TJP1: variants seen among roughly 807,000 people sequenced by gnomAD.
TJP1 encodes tight junction protein ZO-1.
In TJP1, 43 loss-of-function variants were observed where a neutral mutation model predicts 194.2. That is an observed-to-expected ratio of 0.22 (90% CI 0.17 to 0.29). The LOEUF (loss-of-function observed/expected upper bound fraction) is 0.29, where lower values mean the gene tolerates loss of function less well. Ranked by LOEUF, TJP1 falls within the 10% of genes least tolerant of loss-of-function variation. The pLI, the probability that TJP1 is intolerant of heterozygous loss-of-function variation, is 1.00. For synonymous variants in TJP1, 801 were observed against 779.0 expected (o/e 1.03, Z -0.47); for missense variants, 1,971 against 2,185.7 (o/e 0.90, Z 1.96).
chr15:29,911,929 T>C (rs2054027468), intron 2 of TJP1, among the ~76,000 whole-genome samples: 1 of 152,208 alleles, frequency 6.6e-6, no homozygotes, highest in Non-Finnish European at 1.5e-5. Flanking sequence ...ATTTGGATTC[T>C]TGGGGAGTTC....
intron 2 of TJP1, among the ~76,000 whole-genome samples, chr15:29,920,457 G>A (rs1388485278): frequency 6.6e-6 from 1 of 152,176 alleles, no homozygotes; most frequent in African/African-American, 2.4e-5. Context: ...TTTGGGAAAA[G>A]AAAAGCAAAC....
At chr15:29,723,088 T>C (rs2043029911) in intron 18 of TJP1, among the ~76,000 whole-genome samples, 1 of 152,178 alleles carries the variant, frequency 6.6e-6, no homozygotes. Flanking sequence ...AGATGAGACT[T>C]TGAACTTCTG....
At chr15:29,896,887 A>C (rs1242132768) in intron 2 of TJP1, among the ~76,000 whole-genome samples, 2 of 152,200 alleles carry the variant, frequency 1.3e-5, no homozygotes, top group Non-Finnish European at 2.9e-5. Flanking sequence ...GCATTCAAGA[A>C]GTGACTTGGG....
intron 2 of TJP1, among the ~76,000 whole-genome samples, chr15:29,836,439 A>T (rs2051033498): frequency 2.6e-5 from 4 of 151,546 alleles, no homozygotes. Context: ...CGCCTGGCTA[A>T]TTTTTTGTAT....
At chr15:29,882,992 A>C (rs2052991766) in intron 2 of TJP1, among the ~76,000 whole-genome samples, 2 of 152,148 alleles carry the variant, frequency 1.3e-5, no homozygotes, top group South Asian at 4.1e-4. Context: ...ACAATACTTA[A>C]ATTCTTTTAA....
At chr15:29,962,453 C>T (rs867637676) in intron 1 of TJP1, among the ~76,000 whole-genome samples, 1 of 152,236 alleles carries the variant, frequency 6.6e-6, no homozygotes, top group African/African-American at 2.4e-5. Flanking sequence ...AAAGCAGTCA[C>T]ACAAGGACAA....
At chr15:29,958,374 G>C (rs1399974990) in intron 1 of TJP1, among the ~76,000 whole-genome samples, 1 of 150,110 alleles carries the variant, frequency 6.7e-6, no homozygotes, top group Non-Finnish European at 1.5e-5. Context: ...CCAATCTGAG[G>C]GTTAATGTCT....
intron 2 of TJP1, among the ~76,000 whole-genome samples, chr15:29,947,886 A>T (rs560492642): frequency 6.6e-6 from 1 of 152,194 alleles, no homozygotes; most frequent in East Asian, 1.9e-4. Flanking sequence ...CTCTGGGAAC[A>T]TCACAGCACA....
chr15:29,870,784 A>G (rs1311074441), intron 2 of TJP1, among the ~76,000 whole-genome samples: 1 of 152,234 alleles, frequency 6.6e-6, no homozygotes, highest in Non-Finnish European at 1.5e-5. Flanking sequence ...GCCTGCTGCG[A>G]AACAGCAGCT....
At chr15:29,821,099 T>C (rs1378786494) in intron 1 of TJP1, among the ~76,000 whole-genome samples, 5 of 152,236 alleles carry the variant, frequency 3.3e-5, no homozygotes, top group Non-Finnish European at 7.3e-5. Context: ...TTCCTTTGTT[T>C]GAAATAACAA....
In TJP1 at chr15:29,899,611, C is replaced by T. The variant is rs534964457; in HGVS notation, c.306+56621G>A. 4.6e-5 allele frequency among the ~76,000 whole-genome samples: 7 copies of T among 152,338 alleles called. No homozygotes were observed. In the South Asian group the frequency reaches 1.0e-3, roughly 23 times the overall value. On this transcript the variant is annotated intron_variant, in intron 2 of 28. Coordinates refer to the TJP1 transcript ENST00000356107. ...TGTGGAGCCCTCTGAACCCCAACCT[C>T]ATCTTCAGTAAAATGGAACAGCCAC... is the stretch of plus-strand genomic sequence containing the variant.
intron 2 of TJP1, among the ~76,000 whole-genome samples, chr15:29,934,213 T>C (rs1227386378): frequency 6.6e-6 from 1 of 152,220 alleles, no homozygotes; most frequent in Non-Finnish European, 1.5e-5. Context: ...TTTGTTTTGA[T>C]ATTATTTTTT....
At chr15:29,934,640 T>C (rs2054826098) in intron 2 of TJP1, among the ~76,000 whole-genome samples, 1 of 152,204 alleles carries the variant, frequency 6.6e-6, no homozygotes, top group Admixed American at 6.5e-5. Flanking sequence ...CCTCCTTCCT[T>C]AACTACTTCT....
intron 1 of TJP1, among the ~76,000 whole-genome samples, chr15:29,967,805 T>C (rs1210224136): frequency 6.6e-6 from 1 of 152,216 alleles, no homozygotes; most frequent in Non-Finnish European, 1.5e-5. Context: ...TGTGCTCAAT[T>C]GAATTGAATA....
chr15:29,768,606 C>T (rs1457548210), intron 4 of TJP1, among the ~76,000 whole-genome samples: 2 of 152,092 alleles, frequency 1.3e-5, no homozygotes, highest in South Asian at 2.1e-4. Flanking sequence ...GTATGTATAC[C>T]TATCCAGCCC....
In TJP1 at chr15:29,704,530, C is replaced by T. The variant is rs1042694472; in HGVS notation, c.5069-225G>A. 6.6e-5 allele frequency among the ~76,000 whole-genome samples: 10 copies of T among 152,284 alleles called. No individual in the cohort carries two copies. In the East Asian group the frequency reaches 1.7e-3, roughly 26 times the overall value. ...AAGAAACAAGTGATATCAAATCTTACAATATTTTAATATTTTAACTCAATA... is the reference window on the plus strand; with the variant it reads ...AAGAAACAAGTGATATCAAATCTTATAATATTTTAATATTTTAACTCAATA... On this transcript the variant is annotated intron_variant, in intron 26 of 27. Transcript: ENST00000614355.
At position 29,766,344 on chromosome 15, in the gene TJP1, A is replaced by G; in HGVS notation, c.511T>C (p.Ser171Pro). 6.2e-7 allele frequency: 1 copy of G among 1,614,220 alleles called. No homozygotes were observed. Among genetic ancestry groups the G allele is most frequent in the Non-Finnish European group, 8.5e-7 (1 of 1,180,044 alleles). Residue 171 changes from serine (S) to proline (P), a missense_variant, in exon 5 of 28, where the codon TCA becomes CCA. This residue lies in a region of TJP1 where 245 missense variants were observed against 336.6 expected (regional missense o/e 0.73). Transcript: ENST00000614355. Reference protein sequence around the residue: ...ASRERSLSPRSDRRSVASSQP... With the variant: ...ASRERSLSPRPDRRSVASSQP... ...CTGGAAGCCACTGACCGCCTGTCTG[A>G]CCGCGGGGACAAGCTCCTCTCTCTA...
In TJP1 at chr15:29,870,322, G is replaced by A. The variant is rs1484546891; in HGVS notation, c.307-69620C>T. On this transcript the variant is annotated intron_variant, in intron 2 of 28. Transcript: ENST00000356107. ...AATGGTTAAGAAAAAAAAGAGAAAG[G>A]GATCCAAGAGTTTAGAATAGTTTTC... Among the ~76,000 whole-genome samples, 4 of 152,152 alleles carry A rather than the reference G, an allele frequency of 2.6e-5. No individual in the cohort carries two copies. The East Asian group carries it at 7.7e-4, about 29-fold the overall frequency.
intron 2 of TJP1, among the ~76,000 whole-genome samples, chr15:29,876,758 C>G (rs1030329702): frequency 2.0e-5 from 3 of 152,112 alleles, no homozygotes; most frequent in Admixed American, 6.5e-5. Flanking sequence ...GTAAAAACCA[C>G]GTGGACTGCT....
Sources: allele counts gnomAD v4.1 joint callset (sites outside exome capture counted in the v4.1 genomes callset), GRCh38; gene constraint gnomAD v4.1.1; regional missense constraint gnomAD v4.1.1; transcripts MANE v1.5; gene names NCBI Gene and HGNC (gene_info 2026-07-23, HGNC 2026-07-21).